The following CSMD1 variants were observed in gnomAD, a reference collection of about 807,000 sequenced individuals.
CSMD1 encodes the protein CUB and Sushi multiple domains 1.
In CSMD1, 213 loss-of-function variants were observed where a neutral mutation model predicts 417.5. The observed-to-expected ratio is 0.51, with a 90% CI of 0.46 to 0.57. The LOEUF is 0.57. Among genes scored for constraint, CSMD1 ranks in the 20% least tolerant of loss-of-function variants. CSMD1 has a pLI of 0.00. For synonymous variants in CSMD1, 2,862 were observed against 1,736.8 expected (o/e 1.65, Z -16.11); for missense variants, 6,923 against 4,529.7 (o/e 1.53, Z -15.17).
chr8:3,193,114 C>A (rs943173216), intron 33 of CSMD1, among the ~76,000 whole-genome samples: 1 of 152,114 alleles, frequency 6.6e-6, no homozygotes, highest in African/African-American at 2.4e-5. Flanking sequence ...ACTTGTATAT[C>A]TGGGAGCTAT....
intron 25 of CSMD1, among the ~76,000 whole-genome samples, chr8:3,300,545 T>C (rs1804312535): frequency 6.6e-6 from 1 of 152,198 alleles, no homozygotes; most frequent in Non-Finnish European, 1.5e-5. Flanking sequence ...CATATGAGGA[T>C]GCTCACACCC....
At chr8:4,413,961 G>T (rs1796790189) in intron 3 of CSMD1, among the ~76,000 whole-genome samples, 1 of 152,168 alleles carries the variant, frequency 6.6e-6, no homozygotes, top group African/African-American at 2.4e-5. Flanking sequence ...CTCTATAATT[G>T]TTATAAATCT....
chr8:3,420,162 A>C (rs1286110817), intron 12 of CSMD1, among the ~76,000 whole-genome samples: 2 of 152,158 alleles, frequency 1.3e-5, no homozygotes, highest in African/African-American at 2.4e-5. Context: ...TAAGTCCTCA[A>C]AATTATTTGA....
chr8:4,927,458 C>G (rs1013603726), intron 1 of CSMD1, among the ~76,000 whole-genome samples: 17 of 152,290 alleles, frequency 1.1e-4, no homozygotes, highest in African/African-American at 4.1e-4. Flanking sequence ...GACTCAAGAA[C>G]TGAGGCTTGG....
chr8:4,079,191 A>G (rs1031412462), intron 3 of CSMD1, among the ~76,000 whole-genome samples: 1 of 152,118 alleles, frequency 6.6e-6, no homozygotes, highest in Non-Finnish European at 1.5e-5. Flanking sequence ...CTAATGTTTT[A>G]GTCTATAGAG....
At chr8:3,661,096 G>C (rs539549676) in intron 7 of CSMD1, among the ~76,000 whole-genome samples, 32 of 152,206 alleles carry the variant, frequency 2.1e-4, no homozygotes, top group African/African-American at 7.7e-4. Flanking sequence ...GATACAGCCG[G>C]GTTCCATCTG....
intron 27 of CSMD1, among the ~76,000 whole-genome samples, chr8:3,226,235 C>T (rs1344752463): frequency 6.6e-6 from 1 of 152,062 alleles, no homozygotes; most frequent in Non-Finnish European, 1.5e-5. Flanking sequence ...TGGGGAAAAG[C>T]AATTGCAGGC....
intron 5 of CSMD1, among the ~76,000 whole-genome samples, chr8:3,820,907 G>A (rs535796701): frequency 2.6e-5 from 4 of 151,976 alleles, no homozygotes; most frequent in East Asian, 3.9e-4. Flanking sequence ...CCTGCCTGAG[G>A]GTGTTCTATC....
At chr8:3,874,733 A>G (rs575441978) in intron 5 of CSMD1, among the ~76,000 whole-genome samples, 2 of 152,274 alleles carry the variant, frequency 1.3e-5, no homozygotes, top group African/African-American at 4.8e-5. Flanking sequence ...TGCTCTTGGC[A>G]ATGGAGGTGA....
chr8:4,598,335 C>T (rs928571433), intron 2 of CSMD1, among the ~76,000 whole-genome samples: 2 of 152,136 alleles, frequency 1.3e-5, no homozygotes, highest in African/African-American at 4.8e-5. Flanking sequence ...GTCTAAACAG[C>T]TGAAAATGGT....
chr8:4,181,225 G>A (rs920702802), intron 3 of CSMD1, among the ~76,000 whole-genome samples: 8 of 151,992 alleles, frequency 5.3e-5, no homozygotes, highest in Non-Finnish European at 1.0e-4. Context: ...TTTAAATTTG[G>A]TACTTATTAT....
In CSMD1 at chr8:4,380,168, T is replaced by C. The variant is rs574441723; in HGVS notation, c.415+39785A>G. Among the ~76,000 whole-genome samples, 153 of 152,324 alleles carry C rather than the reference T, an allele frequency of 1.0e-3. 1 individual carries two copies. Among genetic ancestry groups the C allele is most frequent in the African/African-American group, 3.6e-3 (150 of 41,568 alleles). On this transcript the variant is annotated intron_variant, in intron 3 of 69. Coordinates refer to ENST00000635120, the MANE Select transcript of CSMD1 (RefSeq NM_033225.6). The stretch of plus-strand genomic sequence containing the variant: ...ATATCTGCCCTCAGAAGGTGGCATG[T>C]AACTCCCTTAGGAGGGCTCCCAGTT...
chr8:4,875,140 G>T (rs2116930984), intron 1 of CSMD1, among the ~76,000 whole-genome samples: 1 of 151,680 alleles, frequency 6.6e-6, no homozygotes, highest in Admixed American at 6.6e-5. Flanking sequence ...TCATGGTAAG[G>T]TAGTATGTGC....
intron 2 of CSMD1, among the ~76,000 whole-genome samples, chr8:4,531,036 G>C (rs1796792608): frequency 6.6e-6 from 1 of 152,096 alleles, no homozygotes; most frequent in African/African-American, 2.4e-5. Context: ...CTCTCTGTTG[G>C]ATTACGTTGA....
intron 1 of CSMD1, among the ~76,000 whole-genome samples, chr8:4,886,983 G>T (rs535162765): frequency 2.0e-5 from 3 of 151,880 alleles, no homozygotes; most frequent in East Asian, 3.9e-4. Context: ...ATCATTTTCT[G>T]CTCAACTCTT....
intron 41 of CSMD1, among the ~76,000 whole-genome samples, chr8:3,141,185 G>C (rs960635472): frequency 5.9e-5 from 9 of 152,066 alleles, no homozygotes; most frequent in African/African-American, 2.2e-4. Flanking sequence ...GTGTGTGCAG[G>C]TGGGATGGGA....
chr8:4,586,036 G>A (rs1799681620), intron 2 of CSMD1, among the ~76,000 whole-genome samples: 1 of 152,152 alleles, frequency 6.6e-6, no homozygotes, highest in South Asian at 2.1e-4. Context: ...TTATGCGCAT[G>A]TAATGGTTGT....
chr8:3,817,168 G>A (rs374897580), intron 5 of CSMD1, among the ~76,000 whole-genome samples: 2 of 144,288 alleles, frequency 1.4e-5, no homozygotes, highest in African/African-American at 2.5e-5. Flanking sequence ...AGAAAGAGAC[G>A]ACCCCTCCCC....
chr8:3,499,893 GCCCAGA>G (rs1796524381), intron 10 of CSMD1, among the ~76,000 whole-genome samples: 1 of 152,056 alleles, frequency 6.6e-6, no homozygotes, highest in South Asian at 2.1e-4. Context: ...GCAGCCTGAG[GCCCAGA>G]GAACAAGAGA....
Sources: allele counts gnomAD v4.1 joint callset (sites outside exome capture counted in the v4.1 genomes callset), GRCh38; gene constraint gnomAD v4.1.1; transcripts MANE v1.5; gene names NCBI Gene and HGNC (gene_info 2026-07-23, HGNC 2026-07-21).